The following CDX2 variants were observed in gnomAD, a reference collection of about 807,000 sequenced individuals.
CDX2 encodes the protein homeobox protein CDX-2.
CDX2 carries 7 observed loss-of-function variants against 25.5 expected under a neutral mutation model. That is an observed-to-expected ratio of 0.27 (90% CI 0.16 to 0.52). CDX2 has a LOEUF of 0.52. Among genes scored for constraint, CDX2 ranks in the 20% least tolerant of loss-of-function variants. The probability of loss-of-function intolerance (pLI) is 0.97; values close to 1 mark genes in which losing one functional copy is unlikely to be tolerated. For synonymous variants in CDX2, 222 were observed against 198.6 expected (o/e 1.12, Z -0.99); for missense variants, 375 against 431.4 (o/e 0.87, Z 1.16).
Position 27,962,108 on chromosome 13 carries a change from G to A in CDX2, c.*1007C>T, listed in dbSNP as rs1022910958. The A allele has an allele frequency of 8.7e-6, 2 of 230,948 alleles. No homozygotes were observed. The highest frequency in any genetic ancestry group is 4.4e-5 in the African/African-American group (2 of 45,188). The allele number at this position is 230,948 out of a possible 1,614,324, so 14.3% of individuals were successfully genotyped here. A position where few individuals can be genotyped will look rare whatever the true frequency, so the allele number is the denominator to read the frequency against. On this transcript the variant is annotated 3_prime_UTR_variant, in exon 3 of 3. Coordinates refer to ENST00000381020, the MANE Select transcript of CDX2 (RefSeq NM_001265.6). ...CTTTAAAAAATAAAAAATAGTTGCAGACAAAATCTGAAGATAAATACAGAA... is the reference window on the plus strand; with the variant it reads ...CTTTAAAAAATAAAAAATAGTTGCAAACAAAATCTGAAGATAAATACAGAA...
chr13:27,964,402 C>T lies in CDX2; in HGVS notation c.687+468G>A, dbSNP rs539171606. Among the ~76,000 whole-genome samples, 1 of 150,890 alleles carries T rather than the reference C, an allele frequency of 6.6e-6. No individual in the cohort carries two copies. Among genetic ancestry groups the T allele is most frequent in the South Asian group, 2.1e-4 (1 of 4,702 alleles). ...CAACAAGAGTGAAACTGCGTTTCGA[C>T]GGTGGCGGGTGGGGGGGCATGTACT... On this transcript the variant is annotated intron_variant, in intron 2 of 2. Coordinates refer to ENST00000381020, the MANE Select transcript of CDX2 (RefSeq NM_001265.6). This position sits in a 1 kb window ranked among gnomAD's most constrained non-coding sequence, Gnocchi z 4.7.
At chr13:27,965,090 A>C in intron 1 of CDX2, 75 bp from the exon 2 acceptor site, 1 of 1,474,732 alleles carries the variant, frequency 6.8e-7, no homozygotes, top group Non-Finnish European at 9.3e-7. Context: ...AAACCTCCCT[A>C]ACCCAGGGAC....
rs1361426070 is a variant in CDX2, at chr13:27,968,508, C to G, written c.499G>C (p.Glu167Gln). Reference sequence around the variant, plus strand: ...TGCTGCGCCGGCTTCCGCATCCACTCGCACAGGTTCCGCCGCTGGCCGCCG... The same window carrying G: ...TGCTGCGCCGGCTTCCGCATCCACTGGCACAGGTTCCGCCGCTGGCCGCCG... ...SPGGQRRNLC[E>Q]WMRKPAQQSL... The change falls in exon 1 of 3, where the codon GAG becomes CAG. Residue 167 changes from glutamate (E) to glutamine (Q), a missense_variant. By Grantham distance (29) the Glu-to-Gln change is conservative. Coordinates refer to ENST00000381020, the MANE Select transcript of CDX2 (RefSeq NM_001265.6). The G allele has an allele frequency of 2.6e-6, 4 of 1,564,762 alleles. No homozygotes were observed. Among genetic ancestry groups the G allele is most frequent in the Non-Finnish European group, 3.4e-6 (4 of 1,166,888 alleles).
chr13:27,965,139 G>T, intron 1 of CDX2, 124 bp from the exon 2 acceptor site: 2 of 1,040,472 alleles, frequency 1.9e-6, no homozygotes, highest in Non-Finnish European at 2.8e-6. Context: ...CCCGGGTTTG[G>T]CTGGTTCCTG....
In CDX2 at chr13:27,964,907, G is replaced by C. The variant is rs930415507; in HGVS notation, c.650C>G (p.Ala217Gly). ...YSRYITIRRK[A>G]ELAATLGLSE... Reference sequence around the variant, plus strand: ...GAGCCCCAGCGTGGCGGCTAGCTCGGCTTTCCTCCGGATGGTGATGTAGCG... The same window carrying C: ...GAGCCCCAGCGTGGCGGCTAGCTCGCCTTTCCTCCGGATGGTGATGTAGCG... Residue 217 changes from alanine (A) to glycine (G), a missense_variant, in exon 2 of 3, where the codon GCC (alanine) becomes GGC (glycine). Physicochemically the swap from Ala to Gly is moderately conservative, Grantham distance 60 (BLOSUM62 0). Transcript: ENST00000381020. This position sits in a 1 kb window ranked among gnomAD's most constrained non-coding sequence, Gnocchi z 4.7. 1.9e-6 allele frequency: 3 copies of C among 1,614,092 alleles called. No individual in the cohort carries two copies. The highest frequency in any genetic ancestry group is 1.3e-5 in the African/African-American group (1 of 75,036).
At chr13:27,967,118 G>T in intron 1 of CDX2, 1 of 380,432 alleles carries the variant, frequency 2.6e-6, no homozygotes, top group Non-Finnish European at 5.1e-6. Context: ...CTTCCTTAGG[G>T]CGTGCGCCAC....
rs1869229018 is a variant in CDX2 at position 27,964,752 on chromosome 13, TG to T, written c.687+117del. The T allele has an allele frequency of 1.3e-6, 1 of 784,066 alleles. No homozygotes were observed. Among genetic ancestry groups the T allele is most frequent in the South Asian group, 1.7e-5 (1 of 58,916 alleles). 48.6% of individuals were successfully genotyped at this position (784,066 alleles called of 1,614,324 possible). A position where few individuals can be genotyped will look rare whatever the true frequency, so the allele number is the denominator to read the frequency against. On this transcript the variant is annotated intron_variant, in intron 2 of 2. Coordinates refer to ENST00000381020, the MANE Select transcript of CDX2 (RefSeq NM_001265.6). This position sits in a 1 kb window ranked among gnomAD's most constrained non-coding sequence, Gnocchi z 4.7. ...AAAAAGGACTCCAAAGACGAATGCT[TG>T]CATCCTCCTGCTTCAGTCTCTCCAC... is the stretch of plus-strand genomic sequence containing the variant.
At chr13:27,966,226 C>T (rs1347384809) in intron 1 of CDX2, among the ~76,000 whole-genome samples, 1 of 152,250 alleles carries the variant, frequency 6.6e-6, no homozygotes, top group African/African-American at 2.4e-5. Flanking sequence ...ATGGCGGCCC[C>T]GGCTTTCATC....
chr13:27,967,675 T>G (rs955443838), intron 1 of CDX2, among the ~76,000 whole-genome samples: 3 of 152,108 alleles, frequency 2.0e-5, no homozygotes, highest in African/African-American at 7.2e-5. Context: ...AAAGGAAGCT[T>G]TGGGAGAAAT....
rs2137533781 is a variant in CDX2, at chr13:27,963,000, CTG to C, written c.*113_*114del. The C allele has an allele frequency of 7.8e-7, 1 of 1,288,130 alleles. No homozygotes were observed. The allele number at this position is 1,288,130 out of a possible 1,614,324, so 79.8% of individuals were successfully genotyped here. A position where few individuals can be genotyped will look rare whatever the true frequency, so the allele number is the denominator to read the frequency against. On this transcript the variant is annotated 3_prime_UTR_variant, in exon 3 of 3. Coordinates refer to ENST00000381020, the MANE Select transcript of CDX2 (RefSeq NM_001265.6). ...CCCATTTTTCCTCTGAGAGCCAGGT[CTG>C]TAGGTCTATGGCTGTGGGTGGGAGG...
intron 1 of CDX2, among the ~76,000 whole-genome samples, chr13:27,965,572 G>C (rs541371202): frequency 6.6e-6 from 1 of 152,328 alleles, no homozygotes; most frequent in South Asian, 2.1e-4. Context: ...GGAATTCTGA[G>C]CTGGGCTCTG....
At chr13:27,968,382 G>A (rs550502363) in intron 1 of CDX2, 84 bp downstream of exon 1, 2 of 1,359,782 alleles carry the variant, frequency 1.5e-6, no homozygotes, top group Non-Finnish European at 1.9e-6. Context: ...GCCCCTGTGC[G>A]CACTGGACGC....
In CDX2 at chr13:27,964,729, A is replaced by T; in HGVS notation, c.687+141T>A. 1 of 497,880 alleles carries T rather than the reference A, an allele frequency of 2.0e-6. No individual in the cohort carries two copies. The highest frequency in any genetic ancestry group is 3.4e-6 in the Non-Finnish European group (1 of 293,522). 30.8% of individuals were successfully genotyped at this position (497,880 alleles called of 1,614,324 possible). A position where few individuals can be genotyped will look rare whatever the true frequency, so the allele number is the denominator to read the frequency against. On this transcript the variant is annotated intron_variant, in intron 2 of 2. Coordinates refer to ENST00000381020, the MANE Select transcript of CDX2 (RefSeq NM_001265.6). This position sits in a 1 kb window ranked among gnomAD's most constrained non-coding sequence, Gnocchi z 4.7. Reference sequence around the variant, plus strand: ...TGTTTAAAAAAAAAAAAAAAAAAAAAAAGGACTCCAAAGACGAATGCTTGC... The same window carrying T: ...TGTTTAAAAAAAAAAAAAAAAAAAATAAGGACTCCAAAGACGAATGCTTGC...
chr13:27,966,743 T>A (rs1325315650), intron 1 of CDX2, among the ~76,000 whole-genome samples: 1 of 152,032 alleles, frequency 6.6e-6, no homozygotes. Context: ...AGGGGAGGGA[T>A]GAGAGGGACT....
chr13:27,969,179 C>T lies in CDX2; in HGVS notation c.-173G>A, dbSNP rs1417962849. The T allele has an allele frequency of 1.8e-6, 1 of 559,564 alleles. No homozygotes were observed. Among genetic ancestry groups the T allele is most frequent in the Non-Finnish European group, 3.1e-6 (1 of 321,072 alleles). 34.7% of individuals were successfully genotyped at this position (559,564 alleles called of 1,614,324 possible). On this transcript the variant is annotated 5_prime_UTR_variant, in exon 1 of 3. Transcript: ENST00000381020. Reference sequence around the variant, plus strand: ...CGGCTCTTCTGCCTCCGAGGCGGTCCCTCCCTCTGGCCTGCCTCCTCCCTC... The same window carrying T: ...CGGCTCTTCTGCCTCCGAGGCGGTCTCTCCCTCTGGCCTGCCTCCTCCCTC...
At position 27,968,977 on chromosome 13, in the gene CDX2, G is replaced by T; in HGVS notation, c.30C>A (p.Asp10Glu). ...GCACGGAGCTAGGGTACATGCTCAC[G>T]TCCTTGTCCAGGAGGTAGCTCACGT... MYVSYLLDK[D>E]VSMYPSSVRH... Residue 10 changes from aspartate to glutamate, a missense_variant, in exon 1 of 3, where the codon GAC becomes GAA. Coordinates refer to ENST00000381020, the MANE Select transcript of CDX2 (RefSeq NM_001265.6). The T allele has an allele frequency of 6.2e-7, 1 of 1,603,084 alleles. No individual in the cohort carries two copies. The highest frequency in any genetic ancestry group is 1.7e-4 in the Middle Eastern group (1 of 6,050).
Position 27,962,883 on chromosome 13 carries a change from C to G in CDX2, c.*232G>C. The G allele has an allele frequency of 2.0e-6, 1 of 495,060 alleles. No homozygotes were observed. Among genetic ancestry groups the G allele is most frequent in the South Asian group, 5.5e-5 (1 of 18,142 alleles). 30.7% of individuals were successfully genotyped at this position (495,060 alleles called of 1,614,324 possible). The stretch of plus-strand genomic sequence containing the variant: ...AAGCCCAGCGGAGGCTTTCTGTCTC[C>G]TCAGTGGCAGAAAAAGCCAGATGGG... On this transcript the variant is annotated 3_prime_UTR_variant, in exon 3 of 3. Coordinates refer to ENST00000381020, the MANE Select transcript of CDX2 (RefSeq NM_001265.6).
intron 1 of CDX2, chr13:27,967,150 CAG>C: frequency 2.5e-6 from 1 of 395,640 alleles, no homozygotes; most frequent in Non-Finnish European, 4.9e-6. Context: ...GCGCCCCAGA[CAG>C]GGGCTGTAGA....
rs553066746 is a variant in CDX2, at chr13:27,963,312, ACTT to A, written c.742_744del (p.Lys248del). 1.3e-4 allele frequency: 211 copies of A among 1,613,570 alleles called. No individual in the cohort carries two copies. The highest frequency in any genetic ancestry group is 1.2e-3 in the African/African-American group (90 of 75,024). On this transcript the variant is annotated inframe_deletion, in exon 3 of 3. Transcript: ENST00000381020. The stretch of plus-strand genomic sequence containing the variant: ...GGCTGCTGCTGCTGTTGCTGCTGCA[ACTT>A]CTTCTTGTTGATTTTCCTCTCCTTT...
Sources: gnomAD v4.1 joint callset for allele counts (sites outside exome capture counted in the v4.1 genomes callset) on GRCh38, gnomAD v4.1.1 for gene constraint, Gnocchi (gnomAD v3.1) non-coding constraint, MANE v1.5 for transcripts, NCBI Gene and HGNC (gene_info 2026-07-23, HGNC 2026-07-21) for gene names.